The following PPARGC1A variants were observed in gnomAD, a reference collection of about 807,000 sequenced individuals.
PPARGC1A encodes the protein peroxisome proliferator-activated receptor gamma coactivator 1-alpha.
Under a neutral mutation model 88.7 loss-of-function variants are expected in PPARGC1A, and 25 were observed. The ratio of observed to expected loss-of-function variants is 0.28; its 90% CI spans 0.21 to 0.39. PPARGC1A has a LOEUF of 0.39. Among genes scored for constraint, PPARGC1A ranks in the 10% least tolerant of loss-of-function variants. The probability of loss-of-function intolerance (pLI) is 1.00; values close to 1 mark genes in which losing one functional copy is unlikely to be tolerated. For synonymous variants in PPARGC1A, 363 were observed against 355.6 expected, an observed-to-expected ratio of 1.02 and a Z score of -0.24; for missense variants, 880 against 968.7, an observed-to-expected ratio of 0.91 and a Z score of 1.22.
At chr4:24,080,887 G>A in the PPARGC1A span, among the ~76,000 whole-genome samples, 3 of 152,048 alleles carry the variant, frequency 2.0e-5, no homozygotes, top group Admixed American at 6.6e-5. Flanking sequence ...AGCACGATTT[G>A]TTGATAGGAG....
At chr4:23,962,165 G>A in the PPARGC1A span, among the ~76,000 whole-genome samples, 1 of 151,582 alleles carries the variant, frequency 6.6e-6, no homozygotes, top group Non-Finnish European at 1.5e-5. Context: ...AATAGCAAGG[G>A]GACAATTTTT....
At chr4:24,242,019 T>TCTGACACTTTTA in the PPARGC1A span, among the ~76,000 whole-genome samples, 3 of 152,188 alleles carry the variant, frequency 2.0e-5, no homozygotes. Flanking sequence ...TGCTGTGCCC[T>TCTGACACTTTTA]GCTAGAACCC....
the PPARGC1A span, among the ~76,000 whole-genome samples, chr4:24,451,720 G>A: frequency 2.0e-5 from 3 of 152,172 alleles, no homozygotes; most frequent in Non-Finnish European, 4.4e-5. Context: ...TGGGATTACA[G>A]GCACACGCCA....
At chr4:24,148,626 C>T in the PPARGC1A span, among the ~76,000 whole-genome samples, 1 of 152,168 alleles carries the variant, frequency 6.6e-6, no homozygotes, top group African/African-American at 2.4e-5. Context: ...ATGTTATGAA[C>T]TAAACAGAAC....
At chr4:23,988,918 A>T in the PPARGC1A span, among the ~76,000 whole-genome samples, 1 of 147,536 alleles carries the variant, frequency 6.8e-6, no homozygotes, top group South Asian at 2.1e-4. Flanking sequence ...ATTATTATAT[A>T]ATATATACTA....
chr4:23,844,662 CAT>C lies in PPARGC1A; in HGVS notation c.235-12913_235-12912del, dbSNP rs1727802826. Among the ~76,000 whole-genome samples, 2 of 83,068 alleles carry C rather than the reference CAT, an allele frequency of 2.4e-5. 1 individual carries two copies. Among genetic ancestry groups the C allele is most frequent in the South Asian group, 6.7e-4 (2 of 2,974 alleles). The allele number at this position is 83,068 out of a possible 152,430, so 54.5% of individuals were successfully genotyped here. On this transcript the variant is annotated intron_variant, in intron 2 of 12. Coordinates refer to ENST00000264867, the MANE Select transcript of PPARGC1A (RefSeq NM_013261.5). ...ATATATCATATTATATGATATATAT[CAT>C]ATATTATAATAATATATATCATATA...
chr4:24,322,826 A>G, the PPARGC1A span, among the ~76,000 whole-genome samples: 1 of 152,208 alleles, frequency 6.6e-6, no homozygotes, highest in South Asian at 2.1e-4. Flanking sequence ...AGCTGTTTGC[A>G]CAGCCATCCA....
At chr4:23,801,656 C>T in intron 12 of PPARGC1A, 74 bp downstream of exon 12, 1 of 1,526,016 alleles carries the variant, frequency 6.6e-7, no homozygotes, top group East Asian at 2.3e-5. Flanking sequence ...CCCAAGGTGC[C>T]TACGGATTAT....
chr4:23,824,946 T>G (rs1487860087), intron 5 of PPARGC1A, among the ~76,000 whole-genome samples: 1 of 152,128 alleles, frequency 6.6e-6, no homozygotes, highest in Non-Finnish European at 1.5e-5. Context: ...CTGATAATAG[T>G]TATTTCTATG....
chr4:24,359,806 C>A, the PPARGC1A span, among the ~76,000 whole-genome samples: 1 of 152,288 alleles, frequency 6.6e-6, no homozygotes, highest in Non-Finnish European at 1.5e-5. Context: ...AAAATGAATT[C>A]TTCCCTGGAA....
the PPARGC1A span, among the ~76,000 whole-genome samples, chr4:24,029,957 G>A: frequency 6.6e-6 from 1 of 151,996 alleles, no homozygotes; most frequent in Non-Finnish European, 1.5e-5. Flanking sequence ...GCCTGTAGAG[G>A]GGTCTGCAAG....
the PPARGC1A span, among the ~76,000 whole-genome samples, chr4:24,129,253 CA>C: frequency 6.6e-6 from 1 of 152,044 alleles, no homozygotes; most frequent in Non-Finnish European, 1.5e-5. Flanking sequence ...CCACTGAGAC[CA>C]AAGAACACAT....
At position 23,794,825 on chromosome 4, in the gene PPARGC1A, T is replaced by C. The variant is rs901540801; in HGVS notation, c.*997A>G. 6.6e-6 allele frequency: 1 copy of C among 152,570 alleles called. No homozygotes were observed. Among genetic ancestry groups the C allele is most frequent in the African/African-American group, 2.4e-5 (1 of 41,448 alleles). 9.5% of individuals were successfully genotyped at this position (152,570 alleles called of 1,614,324 possible). A position where few individuals can be genotyped will look rare whatever the true frequency, so the allele number is the denominator to read the frequency against. On this transcript the variant is annotated 3_prime_UTR_variant, in exon 13 of 13. Transcript: ENST00000264867. The stretch of plus-strand genomic sequence containing the variant: ...TTCTACCCAACTCTCATTAGTAATG[T>C]AACCCGGTGTCCGCTCCTCAGAAAG...
chr4:24,432,490 G>A, the PPARGC1A span, among the ~76,000 whole-genome samples: 4 of 152,170 alleles, frequency 2.6e-5, no homozygotes, highest in South Asian at 4.1e-4. Context: ...GACTTCATAT[G>A]GTGTCAATCA....
the PPARGC1A span, among the ~76,000 whole-genome samples, chr4:24,002,091 C>CAGAGAGAGAGAG: frequency 7.3e-6 from 1 of 137,630 alleles, no homozygotes; most frequent in African/African-American, 3.0e-5. Flanking sequence ...CACACACACA[C>CAGAGAGAGAGAG]ACACACAGAG....
At chr4:24,205,826 C>T in the PPARGC1A span, among the ~76,000 whole-genome samples, 1 of 152,198 alleles carries the variant, frequency 6.6e-6, no homozygotes, top group African/African-American at 2.4e-5. Flanking sequence ...TCTGTGACTA[C>T]AGTTAATAAA....
chr4:23,943,800 T>C, the PPARGC1A span, among the ~76,000 whole-genome samples: 1 of 152,188 alleles, frequency 6.6e-6, no homozygotes, highest in East Asian at 1.9e-4. Flanking sequence ...CTTGACATGA[T>C]ATGTTGAGAA....
At chr4:23,932,290 C>CTCGCTTAGTTCA in the PPARGC1A span, among the ~76,000 whole-genome samples, 2 of 152,116 alleles carry the variant, frequency 1.3e-5, no homozygotes, top group African/African-American at 4.8e-5. Context: ...TAATTAGTTC[C>CTCGCTTAGTTCA]TCGCTTAGTT....
the PPARGC1A span, among the ~76,000 whole-genome samples, chr4:24,215,107 T>C: frequency 6.6e-6 from 1 of 152,214 alleles, no homozygotes; most frequent in South Asian, 2.1e-4. Context: ...GACAAGGAAA[T>C]ACCGCTCTTG....
Sources: gnomAD v4.1 joint callset for allele counts (sites outside exome capture counted in the v4.1 genomes callset) on GRCh38, gnomAD v4.1.1 for gene constraint, MANE v1.5 for transcripts, NCBI Gene and HGNC (gene_info 2026-07-23, HGNC 2026-07-21) for gene names.